The following HRH2 variants were observed in gnomAD, a reference collection of about 807,000 sequenced individuals.
HRH2 encodes histamine H2 receptor.
A neutral mutation model predicts 20.1 loss-of-function variants in HRH2; 4 were observed. The ratio of observed to expected loss-of-function variants is 0.20; its 90% CI spans 0.10 to 0.45. HRH2 has a LOEUF of 0.45. Among genes scored for constraint, HRH2 ranks in the 20% least tolerant of loss-of-function variants. The probability of loss-of-function intolerance (pLI) is 0.99; values close to 1 mark genes in which losing one functional copy is unlikely to be tolerated. For synonymous variants in HRH2, 197 were observed against 200.7 expected (o/e 0.98, Z 0.16); for missense variants, 250 against 461.6 (o/e 0.54, Z 4.20).
Position 175,677,953 on chromosome 5 carries a change from A to G in HRH2, c.-525-4756A>G. Among the ~76,000 whole-genome samples the G allele has an allele frequency of 6.6e-6, 1 of 152,004 alleles. No individual in the cohort carries two copies. Among genetic ancestry groups the G allele is most frequent in the East Asian group, 1.9e-4 (1 of 5,174 alleles). Reference sequence around the variant, plus strand: ...ACAACCCACCATCTTTCTCCTCCAAACGTTCACCGTGGCTGTTCTCTCTGG... The same window carrying G: ...ACAACCCACCATCTTTCTCCTCCAAGCGTTCACCGTGGCTGTTCTCTCTGG... On this transcript the variant is annotated intron_variant, in intron 1 of 2. Transcript: ENST00000636584. This position sits in a 1 kb window ranked among gnomAD's most constrained non-coding sequence, Gnocchi z 4.2.
chr5:175,685,765 C>T (rs1259478341), intron 2 of HRH2: 29 of 522,496 alleles, frequency 5.6e-5, no homozygotes, highest in Non-Finnish European at 8.6e-5. Context: ...CATGAACATG[C>T]TCTGCCATCT....
intron 2 of HRH2, among the ~76,000 whole-genome samples, chr5:175,699,116 G>A (rs1043758845): frequency 2.0e-5 from 3 of 151,902 alleles, no homozygotes; most frequent in African/African-American, 4.9e-5. Flanking sequence ...GGAGAAGGCC[G>A]TGAGAAAAGA....
chr5:175,665,752 T>C (rs1431888482), intron 1 of HRH2, among the ~76,000 whole-genome samples: 1 of 151,994 alleles, frequency 6.6e-6, no homozygotes, highest in African/African-American at 2.4e-5. Context: ...GAGGCCAAGC[T>C]CTCAAAGCGA....
chr5:175,683,745 C>T lies in HRH2; in HGVS notation c.512C>T (p.Thr171Ile). 6.2e-7 allele frequency: 1 copy of T among 1,614,204 alleles called. No individual in the cohort carries two copies. Among genetic ancestry groups the T allele is most frequent in the Non-Finnish European group, 8.5e-7 (1 of 1,180,048 alleles). The stretch of plus-strand genomic sequence containing the variant: ...GAGACCAGCAAGGGCAATCATACCA[C>T]CTCTAAGTGCAAAGTCCAGGTCAAT... ...RNETSKGNHT[T>I]SKCKVQVNEV... The change falls in exon 2 of 3, where the codon ACC becomes ATC. Residue 171 changes from threonine to isoleucine, a missense_variant. By Grantham distance (89) the Thr-to-Ile change is moderately conservative (BLOSUM62 -1). Coordinates refer to ENST00000636584, the MANE Select transcript of HRH2 (RefSeq NM_001367711.1).
chr5:175,665,586 C>T (rs1762864300), intron 1 of HRH2, among the ~76,000 whole-genome samples: 1 of 152,164 alleles, frequency 6.6e-6, no homozygotes, highest in South Asian at 2.1e-4. Flanking sequence ...AGGCACAGAG[C>T]ACTCGCTGCC....
chr5:175,670,950 C>T (rs917309259), intron 1 of HRH2, among the ~76,000 whole-genome samples: 7 of 152,248 alleles, frequency 4.6e-5, no homozygotes, highest in African/African-American at 7.2e-5. Context: ...TGCCCTGTGG[C>T]GCTTATACTC....
chr5:175,707,759 A>G lies in HRH2; in HGVS notation c.1077-20A>G, dbSNP rs978348964. 2.1e-5 allele frequency: 8 copies of G among 374,428 alleles called. No individual in the cohort carries two copies. Among genetic ancestry groups the G allele is most frequent in the African/African-American group, 1.3e-4 (6 of 47,426 alleles). 23.2% of individuals were successfully genotyped at this position (374,428 alleles called of 1,614,324 possible). ...TGCTCTGTGGCCACCTCAGCCTGGC[A>G]TGTGCTTGTGTCTCCTCAGGAAGCC... On this transcript the variant is annotated intron_variant, in intron 2 of 2. Transcript: ENST00000636584.
Position 175,686,630 on chromosome 5 carries a change from G to A in HRH2, c.1076+2321G>A, listed in dbSNP as rs530477326. Among the ~76,000 whole-genome samples the A allele has an allele frequency of 4.4e-4, 67 of 152,322 alleles. No individual in the cohort carries two copies. The highest frequency in any genetic ancestry group is 6.8e-4 in the Non-Finnish European group (46 of 68,036). On this transcript the variant is annotated intron_variant, in intron 2 of 2. Transcript: ENST00000636584. This position sits in a 1 kb window ranked among gnomAD's most constrained non-coding sequence, Gnocchi z 4.7. ...GGATTGAAGCCCAGATGGGGCTGGC[G>A]CATGGGCCCGGGAGCCCATCCCGGA...
intron 2 of HRH2, among the ~76,000 whole-genome samples, chr5:175,700,359 A>G (rs1341711991): frequency 1.3e-5 from 2 of 152,222 alleles, no homozygotes; most frequent in African/African-American, 2.4e-5. Context: ...GAGAATCACT[A>G]TCCAAAACAC....
chr5:175,670,070 G>A (rs1022096046), intron 1 of HRH2, among the ~76,000 whole-genome samples: 59 of 152,292 alleles, frequency 3.9e-4, no homozygotes, highest in African/African-American at 1.3e-3. Context: ...TCACTCCCTG[G>A]TGGGCCTGTG....
intron 1 of HRH2, among the ~76,000 whole-genome samples, chr5:175,659,263 C>T (rs1762663747): frequency 6.6e-6 from 1 of 152,146 alleles, no homozygotes; most frequent in African/African-American, 2.4e-5. Flanking sequence ...AATCTCTCAG[C>T]ACCTCAGTTT....
At chr5:175,689,342 C>A (rs1581445233) in intron 2 of HRH2, among the ~76,000 whole-genome samples, 2 of 150,218 alleles carry the variant, frequency 1.3e-5, no homozygotes, top group African/African-American at 4.9e-5. Context: ...TCTTGACTTA[C>A]TTATCCTATT....
In HRH2 at chr5:175,707,998, C is replaced by T. The variant is rs965515310; in HGVS notation, c.*27C>T. On this transcript the variant is annotated 3_prime_UTR_variant, in exon 3 of 3. Transcript: ENST00000636584. ...CCTAGCCCCAGGACACTGAAGATAC[C>T]GCTCCCGGTCCCCAAGATGTGACTC... is the stretch of plus-strand genomic sequence containing the variant. 7.0e-5 allele frequency: 28 copies of T among 398,986 alleles called. No homozygotes were observed. Among genetic ancestry groups the T allele is most frequent in the African/African-American group, 1.6e-4 (8 of 48,614 alleles). The allele number at this position is 398,986 out of a possible 1,614,324, so 24.7% of individuals were successfully genotyped here.
intron 1 of HRH2, among the ~76,000 whole-genome samples, chr5:175,662,274 A>G (rs2113467987): frequency 6.6e-6 from 1 of 152,172 alleles, no homozygotes; most frequent in Non-Finnish European, 1.5e-5. Context: ...AACTGGAGAC[A>G]TTTTTGCCCC....
chr5:175,663,950 G>T (rs1762812343), intron 1 of HRH2, among the ~76,000 whole-genome samples: 1 of 152,218 alleles, frequency 6.6e-6, no homozygotes, highest in African/African-American at 2.4e-5. Flanking sequence ...GGCCTTTCCA[G>T]CTCTGCCCCT....
chr5:175,701,784 G>A (rs564647394), intron 2 of HRH2, among the ~76,000 whole-genome samples: 1 of 152,280 alleles, frequency 6.6e-6, no homozygotes, highest in East Asian at 1.9e-4. Context: ...CATGAGAAGG[G>A]GAACTGAGGA....
Position 175,683,665 on chromosome 5 carries a change from C to A in HRH2, c.432C>A (p.Val144=). 1 of 1,614,176 alleles carries A rather than the reference C, an allele frequency of 6.2e-7. No individual in the cohort carries two copies. Among genetic ancestry groups the A allele is most frequent in the Non-Finnish European group, 8.5e-7 (1 of 1,180,036 alleles). The change falls in exon 2 of 3, where the codon GTC becomes GTA. Residue 144 remains valine (V), a synonymous_variant. Coordinates refer to ENST00000636584, the MANE Select transcript of HRH2 (RefSeq NM_001367711.1). ...CCATCTCTCTGGTCTTAATTTGGGT[C>A]ATCTCCATTACCCTGTCCTTTCTGT... ...RVAISLVLIW[V]ISITLSFLSI...
intron 2 of HRH2, among the ~76,000 whole-genome samples, chr5:175,688,830 CTG>C (rs147717148): frequency 1.8e-3 from 281 of 152,318 alleles, no homozygotes; most frequent in African/African-American, 6.3e-3. Context: ...GAGGAGAACC[CTG>C]TGTTTCTGGA....
chr5:175,673,696 GTT>G (rs557373402), intron 1 of HRH2, among the ~76,000 whole-genome samples: 1 of 141,408 alleles, frequency 7.1e-6, no homozygotes, highest in Admixed American at 7.1e-5. Flanking sequence ...TTTCACCTCA[GTT>G]TTTTTTTTTT....
Sources: allele counts gnomAD v4.1 joint callset (sites outside exome capture counted in the v4.1 genomes callset), GRCh38; gene constraint gnomAD v4.1.1; non-coding constraint Gnocchi (gnomAD v3.1); transcripts MANE v1.5; gene names NCBI Gene and HGNC (gene_info 2026-07-23, HGNC 2026-07-21).